Variants in MYO5A observed in about 807,000 individuals in gnomAD.
MYO5A encodes the protein unconventional myosin-Va.
MYO5A carries 98 observed loss-of-function variants against 249.7 expected under a neutral mutation model. The ratio of observed to expected loss-of-function variants is 0.39; its 90% CI spans 0.33 to 0.46. The LOEUF is 0.46. Ranked by LOEUF, MYO5A falls within the 20% of genes least tolerant of loss-of-function variation. MYO5A has a pLI of 0.98. For synonymous variants in MYO5A, 778 were observed against 810.6 expected, an observed-to-expected ratio of 0.96 and a Z score of 0.68; for missense variants, 1,696 against 2,308.8, an observed-to-expected ratio of 0.73 and a Z score of 5.44.
At chr15:52,360,579 C>G (rs572241575) in intron 24 of MYO5A, among the ~76,000 whole-genome samples, 2 of 152,332 alleles carry the variant, frequency 1.3e-5, no homozygotes, top group South Asian at 4.1e-4. Flanking sequence ...ACTTCTGTCA[C>G]TTTAATACGT....
intron 1 of MYO5A, among the ~76,000 whole-genome samples, chr15:52,485,847 G>A (rs1310800096): frequency 6.6e-6 from 1 of 152,044 alleles, no homozygotes; most frequent in Non-Finnish European, 1.5e-5. Flanking sequence ...ACACACAAAC[G>A]TATTTGTCAG....
chr15:52,430,375 A>T (rs2075500300), intron 2 of MYO5A, among the ~76,000 whole-genome samples: 1 of 152,188 alleles, frequency 6.6e-6, no homozygotes, highest in Admixed American at 6.5e-5. Context: ...AATATTAGAG[A>T]AGACACTAAT....
intron 1 of MYO5A, among the ~76,000 whole-genome samples, chr15:52,515,439 T>G (rs1373196704): frequency 6.6e-6 from 1 of 152,172 alleles, no homozygotes; most frequent in African/African-American, 2.4e-5. Flanking sequence ...GGAGGGATAC[T>G]GATGTCATTC....
At chr15:52,313,987 AATTAACT>A (rs1259171932) in intron 41 of MYO5A, 129 bp downstream of exon 41, 2 of 1,324,868 alleles carry the variant, frequency 1.5e-6, no homozygotes, top group African/African-American at 3.0e-5. Context: ...TCATTTTCCC[AATTAACT>A]ATTATCAAAA....
Position 52,319,212 on chromosome 15 carries a change from G to A in MYO5A, c.5082C>T (p.Asn1694=), listed in dbSNP as rs765765661. 2 of 1,614,244 alleles carry A rather than the reference G, an allele frequency of 1.2e-6. No homozygotes were observed. Among genetic ancestry groups the A allele is most frequent in the Admixed American group, 3.3e-5 (2 of 60,024 alleles). ...YTLDSILRQL[N]SFHSVMCQHG... Reference sequence around the variant, plus strand: ...GCTGACACATGACCGAGTGGAAGGAGTTGAGCTGCCGGAGGATGGAGTCCA... The same window carrying A: ...GCTGACACATGACCGAGTGGAAGGAATTGAGCTGCCGGAGGATGGAGTCCA... The change falls in exon 39 of 42, where the codon AAC becomes AAT. Residue 1694 remains asparagine (N), a synonymous_variant. Coordinates refer to ENST00000399233, the MANE Select transcript of MYO5A (RefSeq NM_001382347.1).
At chr15:52,470,390 G>A (rs1046718299) in intron 1 of MYO5A, among the ~76,000 whole-genome samples, 2 of 151,884 alleles carry the variant, frequency 1.3e-5, no homozygotes, top group African/African-American at 2.4e-5. Context: ...AGTGGCTCAC[G>A]CCTGTAAAAC....
chr15:52,381,978 C>CT (rs1305233360), intron 16 of MYO5A, among the ~76,000 whole-genome samples: 1 of 152,216 alleles, frequency 6.6e-6, no homozygotes, highest in Non-Finnish European at 1.5e-5. Flanking sequence ...TCTCGGCTCA[C>CT]TGCAACTGCA....
At chr15:52,410,979 T>G (rs1314398498) in intron 5 of MYO5A, among the ~76,000 whole-genome samples, 1 of 152,216 alleles carries the variant, frequency 6.6e-6, no homozygotes, top group African/African-American at 2.4e-5. Context: ...TGTTTTTATT[T>G]GTCTTGTTAT....
At position 52,309,950 on chromosome 15, in the gene MYO5A, T is replaced by C. The variant is rs964693008; in HGVS notation, c.*3746A>G. ...ATTTTCCTAGGGTTACCATGAAAGT[T>C]ATTTCTCACAACAATCACTGCACTG... On this transcript the variant is annotated 3_prime_UTR_variant, in exon 42 of 42. Coordinates refer to ENST00000399233, the MANE Select transcript of MYO5A (RefSeq NM_001382347.1). 2 of 152,134 alleles carry C rather than the reference T, an allele frequency of 1.3e-5. No individual in the cohort carries two copies. Among genetic ancestry groups the C allele is most frequent in the African/African-American group, 4.8e-5 (2 of 41,432 alleles). 9.4% of individuals were successfully genotyped at this position (152,134 alleles called of 1,614,324 possible).
intron 25 of MYO5A, among the ~76,000 whole-genome samples, chr15:52,359,408 A>T (rs1391688422): frequency 6.6e-6 from 1 of 152,264 alleles, no homozygotes; most frequent in Non-Finnish European, 1.5e-5. Flanking sequence ...GTTTCATACC[A>T]CAAAACACAA....
intron 33 of MYO5A, among the ~76,000 whole-genome samples, chr15:52,336,796 CAG>C (rs1192478105): frequency 1.3e-5 from 2 of 152,214 alleles, no homozygotes; most frequent in Admixed American, 1.3e-4. Flanking sequence ...AGGCTCACTG[CAG>C]AGTCTTTCCA....
intron 1 of MYO5A, among the ~76,000 whole-genome samples, chr15:52,487,719 G>A (rs1288729680): frequency 5.2e-5 from 7 of 134,932 alleles, no homozygotes; most frequent in South Asian, 4.7e-4. Flanking sequence ...ACGAGACTCT[G>A]TCTCAAAAAA....
At chr15:52,399,776 A>C (rs2042663366) in intron 9 of MYO5A, among the ~76,000 whole-genome samples, 1 of 152,138 alleles carries the variant, frequency 6.6e-6, no homozygotes, top group Non-Finnish European at 1.5e-5. Flanking sequence ...TCACTTAGGT[A>C]GTGTGCATAG....
rs1466696738 is a variant in MYO5A at position 52,407,339 on chromosome 15, T to A, written c.899A>T (p.Asp300Val). ...AGTATGTGCCATCTCCTTTGCATCA[T>A]CCACTCCTTCAATCACAGGACTGCC... ...QGGSPVIEGV[D>V]DAKEMAHTRQ... is the part of the protein sequence containing the mutation. Residue 300 changes from aspartate to valine, a missense_variant, in exon 8 of 42, where the codon GAT (aspartate) becomes GTT (valine). Asp to Val is a radical substitution (Grantham distance 152). Around this residue, in one of 5 missense-constraint regions of MYO5A, gnomAD observed 185 missense variants for 204.8 expected, o/e 0.90. Coordinates refer to ENST00000399233, the MANE Select transcript of MYO5A (RefSeq NM_001382347.1). 8 of 1,613,654 alleles carry A rather than the reference T, an allele frequency of 5.0e-6. No individual in the cohort carries two copies. Among genetic ancestry groups the A allele is most frequent in the Admixed American group, 1.7e-5 (1 of 59,986 alleles).
At chr15:52,341,929 T>G (rs981069338) in intron 31 of MYO5A, among the ~76,000 whole-genome samples, 1 of 152,360 alleles carries the variant, frequency 6.6e-6, no homozygotes, top group Admixed American at 6.5e-5. Context: ...CGGGTTGAAT[T>G]TGGGTAATTA....
chr15:52,434,847 A>G (rs2075626803), intron 1 of MYO5A, among the ~76,000 whole-genome samples: 1 of 152,208 alleles, frequency 6.6e-6, no homozygotes, highest in Admixed American at 6.5e-5. Context: ...ACATGACACA[A>G]TCAATCATGG....
chr15:52,385,567 TA>T (rs2041938075), intron 14 of MYO5A, among the ~76,000 whole-genome samples: 1 of 151,464 alleles, frequency 6.6e-6, no homozygotes, highest in South Asian at 2.1e-4. Context: ...TAATTCCATA[TA>T]TATATATATT....
chr15:52,499,323 T>C (rs1409692026), intron 1 of MYO5A, among the ~76,000 whole-genome samples: 2 of 152,254 alleles, frequency 1.3e-5, no homozygotes, highest in African/African-American at 4.8e-5. Context: ...TTATTATTTT[T>C]AATTGTGGTA....
intron 12 of MYO5A, among the ~76,000 whole-genome samples, chr15:52,390,701 A>G (rs1329904680): frequency 6.6e-6 from 1 of 152,014 alleles, no homozygotes; most frequent in East Asian, 1.9e-4. Context: ...CTGGGACTAC[A>G]GGTGCACACC....
Sources: allele counts gnomAD v4.1 joint callset (sites outside exome capture counted in the v4.1 genomes callset), GRCh38; gene constraint gnomAD v4.1.1; regional missense constraint gnomAD v4.1.1; transcripts MANE v1.5; gene names NCBI Gene and HGNC (gene_info 2026-07-23, HGNC 2026-07-21).